CEP126: variants seen among roughly 807,000 people sequenced by gnomAD.
CEP126 encodes centrosomal protein of 126 kDa.
Under a neutral mutation model 107.8 loss-of-function variants are expected in CEP126, and 74 were observed. The ratio of observed to expected loss-of-function variants is 0.69; its 90% CI spans 0.57 to 0.83. The LOEUF (loss-of-function observed/expected upper bound fraction) is 0.83. Among genes scored for constraint, CEP126 ranks in the 40% least tolerant of loss-of-function variants. The pLI, the probability that CEP126 is intolerant of heterozygous loss-of-function variation, is 0.00. For synonymous variants in CEP126, 449 were observed against 446.0 expected (o/e 1.01, Z -0.08); for missense variants, 1,237 against 1,281.9 (o/e 0.96, Z 0.53).
At position 101,981,169 on chromosome 11, in the gene CEP126, T is replaced by C. The variant is rs951370043; in HGVS notation, c.2959-720T>C. Reference sequence around the variant, plus strand: ...GTGTTTTAAGTTTTGTCACGTAAGATAATTACCTATCCTTGGCATTAGCTG... The same window carrying C: ...GTGTTTTAAGTTTTGTCACGTAAGACAATTACCTATCCTTGGCATTAGCTG... On this transcript the variant is annotated intron_variant, in intron 7 of 10. Transcript: ENST00000263468. 8.1e-5 allele frequency among the ~76,000 whole-genome samples: 11 copies of C among 135,214 alleles called. No individual in the cohort carries two copies. The East Asian group carries it at 2.9e-3, about 35-fold the overall frequency. 88.7% of individuals were successfully genotyped at this position (135,214 alleles called of 152,430 possible). A position where few individuals can be genotyped will look rare whatever the true frequency, so the allele number is the denominator to read the frequency against.
chr11:101,983,240 T>C (rs1174036817), intron 8 of CEP126, among the ~76,000 whole-genome samples: 1 of 152,166 alleles, frequency 6.6e-6, no homozygotes, highest in Admixed American at 6.5e-5. Flanking sequence ...AAAGTCAAAC[T>C]TGGAGAAACT....
intron 2 of CEP126, among the ~76,000 whole-genome samples, chr11:101,935,629 A>G (rs760346828): frequency 2.0e-5 from 3 of 152,138 alleles, no homozygotes; most frequent in Middle Eastern, 3.4e-3. Flanking sequence ...TTGAAAATCA[A>G]TTGAGGGTCT....
intron 1 of CEP126, 90 bp from the exon 2 acceptor site, chr11:101,922,551 G>T (rs1940345835): frequency 1.1e-6 from 1 of 950,764 alleles, no homozygotes; most frequent in East Asian, 2.5e-5. Flanking sequence ...TACATCATTT[G>T]CATGAGGCTG....
At chr11:101,918,134 C>T (rs1940258893) in intron 1 of CEP126, among the ~76,000 whole-genome samples, 1 of 152,096 alleles carries the variant, frequency 6.6e-6, no homozygotes, top group Non-Finnish European at 1.5e-5. Flanking sequence ...TGGGATCTTA[C>T]TTTTACTATA....
At chr11:101,956,337 C>G (rs766286163) in intron 4 of CEP126, 17 of 456,210 alleles carry the variant, frequency 3.7e-5, no homozygotes, top group Non-Finnish European at 6.6e-5. Context: ...AGTCACCCCC[C>G]TTATCCACCA....
At chr11:101,932,637 C>CTGCCTAGAGCG (rs1209237655) in intron 2 of CEP126, among the ~76,000 whole-genome samples, 1 of 152,042 alleles carries the variant, frequency 6.6e-6, no homozygotes, top group Non-Finnish European at 1.5e-5. Context: ...CACACTGTTT[C>CTGCCTAGAGCG]TGCCTAGAGC....
chr11:101,949,973 T>C (rs796929755), intron 4 of CEP126, among the ~76,000 whole-genome samples: 9 of 152,308 alleles, frequency 5.9e-5, no homozygotes, highest in African/African-American at 2.2e-4. Context: ...AACCTCTTTC[T>C]TCTGTCACCC....
At chr11:101,923,310 G>A (rs752608221) in intron 2 of CEP126, among the ~76,000 whole-genome samples, 2 of 152,142 alleles carry the variant, frequency 1.3e-5, no homozygotes, top group Non-Finnish European at 2.9e-5. Context: ...AGAAAAAGGA[G>A]CTTTCTAGGG....
chr11:101,937,159 G>A (rs1940595710), intron 2 of CEP126, among the ~76,000 whole-genome samples: 1 of 152,182 alleles, frequency 6.6e-6, no homozygotes, highest in Admixed American at 6.5e-5. Context: ...AACAAAGTTT[G>A]TGTACATTGA....
intron 3 of CEP126, among the ~76,000 whole-genome samples, chr11:101,947,454 A>G (rs919089699): frequency 1.3e-5 from 2 of 152,090 alleles, no homozygotes; most frequent in African/African-American, 4.8e-5. Flanking sequence ...GAGAAAGTGG[A>G]TATATATAGG....
chr11:101,937,889 C>T (rs1354366131), intron 2 of CEP126, among the ~76,000 whole-genome samples: 1 of 151,218 alleles, frequency 6.6e-6, no homozygotes, highest in African/African-American at 2.4e-5. Flanking sequence ...CGCGGTGGCT[C>T]ACGCCTGTAA....
At chr11:101,977,405 G>T (rs1161425529) in intron 6 of CEP126, among the ~76,000 whole-genome samples, 1 of 151,842 alleles carries the variant, frequency 6.6e-6, no homozygotes, top group Non-Finnish European at 1.5e-5. Context: ...GGACGAGGCG[G>T]GCAGATCACA....
rs1398261312 is a variant in CEP126 at position 101,999,005 on chromosome 11, A to G, written c.*1362A>G. 1 of 152,192 alleles carries G rather than the reference A, an allele frequency of 6.6e-6. No individual in the cohort carries two copies. Among genetic ancestry groups the G allele is most frequent in the Non-Finnish European group, 1.5e-5 (1 of 68,040 alleles). 9.4% of individuals were successfully genotyped at this position (152,192 alleles called of 1,614,324 possible). On this transcript the variant is annotated 3_prime_UTR_variant, in exon 11 of 11. Transcript: ENST00000263468. Reference sequence around the variant, plus strand: ...AACAGGAAAAGAATTCACTTTTTAAATGAAGAAATTAGTGAAAAAATTGAC... The same window carrying G: ...AACAGGAAAAGAATTCACTTTTTAAGTGAAGAAATTAGTGAAAAAATTGAC...
Position 101,915,123 on chromosome 11 carries a change from C to T in CEP126, c.-162C>T. 9.2e-7 allele frequency: 1 copy of T among 1,090,308 alleles called. No individual in the cohort carries two copies. Among genetic ancestry groups the T allele is most frequent in the Non-Finnish European group, 1.3e-6 (1 of 782,118 alleles). The allele number at this position is 1,090,308 out of a possible 1,614,324, so 67.5% of individuals were successfully genotyped here. On this transcript the variant is annotated 5_prime_UTR_variant, in exon 1 of 11. Coordinates refer to ENST00000263468, the MANE Select transcript of CEP126 (RefSeq NM_020802.4). ...CCATCGCCGCTACAGGCACCAGTGC[C>T]GCTGCGCGGGAGCTAGGGCTGTCGA...
intron 2 of CEP126, among the ~76,000 whole-genome samples, chr11:101,926,617 G>A (rs560592252): frequency 1.3e-5 from 2 of 152,262 alleles, no homozygotes; most frequent in South Asian, 2.1e-4. Flanking sequence ...AATGTTCTAG[G>A]CAAGAAGATG....
At chr11:101,964,359 ACGG>A in intron 6 of CEP126, among the ~76,000 whole-genome samples, 1 of 151,728 alleles carries the variant, frequency 6.6e-6, no homozygotes, top group Non-Finnish European at 1.5e-5. Context: ...TTGGCCAGGC[ACGG>A]TGGCTCATGG....
intron 6 of CEP126, among the ~76,000 whole-genome samples, chr11:101,967,739 T>C (rs1941074307): frequency 1.3e-5 from 2 of 152,302 alleles, no homozygotes; most frequent in African/African-American, 4.8e-5. Flanking sequence ...AATAAACTTA[T>C]ATAAAAATTT....
chr11:101,955,948 T>A (rs1299225756), intron 4 of CEP126: 1 of 456,430 alleles, frequency 2.2e-6, no homozygotes, highest in Non-Finnish European at 4.4e-6. Context: ...TGCCTATCCA[T>A]CCATCTGTAC....
chr11:101,977,933 A>T (rs761140135), intron 6 of CEP126, among the ~76,000 whole-genome samples: 4 of 152,216 alleles, frequency 2.6e-5, no homozygotes, highest in African/African-American at 9.7e-5. Flanking sequence ...AGTTTACTTC[A>T]TGCATTACAT....
Sources: gnomAD v4.1 joint callset for allele counts (sites outside exome capture counted in the v4.1 genomes callset) on GRCh38, gnomAD v4.1.1 for gene constraint, MANE v1.5 for transcripts, NCBI Gene and HGNC (gene_info 2026-07-23, HGNC 2026-07-21) for gene names.